TRIM33: variants seen among roughly 807,000 people sequenced by gnomAD.
TRIM33 encodes E3 ubiquitin-protein ligase TRIM33.
In TRIM33, 20 loss-of-function variants were observed where a neutral mutation model predicts 125.4. The ratio of observed to expected loss-of-function variants is 0.16; its 90% CI spans 0.11 to 0.23. TRIM33 has a LOEUF of 0.23. TRIM33 is among the 10% of genes least tolerant of loss of function. The probability of loss-of-function intolerance (pLI) is 1.00; values close to 1 mark genes in which losing one functional copy is unlikely to be tolerated. For missense variants in TRIM33, 920 were observed against 1,411.4 expected, an observed-to-expected ratio of 0.65 and a Z score of 5.58; for synonymous variants, 564 against 513.9, an observed-to-expected ratio of 1.10 and a Z score of -1.32.
rs1299800983 is a variant in TRIM33 at position 114,478,771 on chromosome 1, G to A, written c.527-14383C>T. On this transcript the variant is annotated intron_variant, in intron 1 of 19. Transcript: ENST00000358465. ...GGCTTCAATAATACACTTCAGGCCA[G>A]GCGTGGTGGCTCACTCCTGTAATCC... is the stretch of plus-strand genomic sequence containing the variant. Among the ~76,000 whole-genome samples, 6 of 152,222 alleles carry A rather than the reference G, an allele frequency of 3.9e-5. No individual in the cohort carries two copies. In the East Asian group the frequency reaches 1.2e-3, roughly 29 times the overall value.
rs1038821325 is a variant in TRIM33 at position 114,473,908 on chromosome 1, C to T, written c.527-9520G>A. On this transcript the variant is annotated intron_variant, in intron 1 of 19. Transcript: ENST00000358465. ...CTATATACTGCTATATACTGTTTAC[C>T]AGAGACACACTTTAATTTTTCCAGA... Among the ~76,000 whole-genome samples the T allele has an allele frequency of 2.6e-5, 4 of 152,034 alleles. No homozygotes were observed. The South Asian group carries it at 8.3e-4, about 31-fold the overall frequency.
intron 4 of TRIM33, among the ~76,000 whole-genome samples, chr1:114,435,877 C>CTTTTTTTTTTTTTTTTTTTTTTTTTTT (rs34327766): frequency 1.4e-5 from 1 of 73,324 alleles, no homozygotes. Context: ...TAGACACCCG[C>CTTTTTTTTTTTTTTTTTTTTTTTTTTT]TTTTTTTTTT....
chr1:114,502,044 G>T (rs1652749747), intron 1 of TRIM33, among the ~76,000 whole-genome samples: 1 of 152,130 alleles, frequency 6.6e-6, no homozygotes, highest in African/African-American at 2.4e-5. Flanking sequence ...CCCAATCTCT[G>T]AAGTTGGCTT....
At chr1:114,488,584 CA>C (rs1278573698) in intron 1 of TRIM33, among the ~76,000 whole-genome samples, 1 of 151,968 alleles carries the variant, frequency 6.6e-6, no homozygotes, top group African/African-American at 2.4e-5. Context: ...GGCAACAATA[CA>C]AGACCCCATC....
chr1:114,503,182 G>A (rs914793309), intron 1 of TRIM33, among the ~76,000 whole-genome samples: 15 of 152,128 alleles, frequency 9.9e-5, no homozygotes, highest in Admixed American at 1.3e-4. Context: ...ACTCTCTCGC[G>A]TTAAAATCTA....
intron 1 of TRIM33, among the ~76,000 whole-genome samples, chr1:114,490,137 A>G (rs78905244): frequency 0.035 from 5,128 of 147,372 alleles, 103 homozygotes; most frequent in African/African-American, 0.049. Flanking sequence ...GAAAGACAAG[A>G]AAAAAAAAAT....
chr1:114,507,495 C>G (rs189611647), intron 1 of TRIM33, among the ~76,000 whole-genome samples: 1 of 152,302 alleles, frequency 6.6e-6, no homozygotes, highest in East Asian at 1.9e-4. Context: ...GTTAAAACCA[C>G]TAGCTATGAT....
intron 4 of TRIM33, among the ~76,000 whole-genome samples, chr1:114,452,874 G>T (rs1649400005): frequency 6.6e-6 from 1 of 152,006 alleles, no homozygotes; most frequent in Admixed American, 6.6e-5. Context: ...CTACACTCCA[G>T]CCTGGGTGAC....
intron 4 of TRIM33, among the ~76,000 whole-genome samples, chr1:114,444,750 G>A (rs890143770): frequency 6.6e-6 from 1 of 152,180 alleles, no homozygotes; most frequent in African/African-American, 2.4e-5. Flanking sequence ...TTTCTACAGT[G>A]TATTGTCCAC....
intron 17 of TRIM33, 36 bp from the exon 18 acceptor site, chr1:114,399,645 CA>C: frequency 6.7e-7 from 1 of 1,495,694 alleles, no homozygotes; most frequent in Admixed American, 2.1e-5. Context: ...AAGAATTCTC[CA>C]AAAATGCCAA....
chr1:114,410,236 T>C lies in TRIM33; in HGVS notation c.2142A>G (p.Thr714=), dbSNP rs1158877232. 1 of 1,614,050 alleles carries C rather than the reference T, an allele frequency of 6.2e-7. No homozygotes were observed. The highest frequency in any genetic ancestry group is 8.5e-7 in the Non-Finnish European group (1 of 1,179,976). Reference sequence around the variant, plus strand: ...GACCTGGAGAAGGATTCATGGTGCTTGTAGGCTGTGGGGGTAGGTGACTGC... The same window carrying C: ...GACCTGGAGAAGGATTCATGGTGCTCGTAGGCTGTGGGGGTAGGTGACTGC... ...ISGSHLPPQP[T]STMNPSPGPS... Residue 714 remains threonine, a synonymous_variant, in exon 12 of 20, where the codon ACA becomes ACG. Transcript: ENST00000358465.
intron 4 of TRIM33, among the ~76,000 whole-genome samples, chr1:114,443,114 TG>T (rs1230775222): frequency 6.6e-6 from 1 of 150,742 alleles, no homozygotes. Context: ...CCAGGTGCGG[TG>T]GCTCACACCT....
chr1:114,432,876 A>C (rs921346779), intron 5 of TRIM33, among the ~76,000 whole-genome samples: 1 of 152,186 alleles, frequency 6.6e-6, no homozygotes, highest in African/African-American at 2.4e-5. Context: ...ACTATGTGTC[A>C]TTTTAATCAT....
intron 5 of TRIM33, among the ~76,000 whole-genome samples, chr1:114,432,270 T>C (rs1385470379): frequency 6.6e-6 from 1 of 152,152 alleles, no homozygotes; most frequent in Non-Finnish European, 1.5e-5. Flanking sequence ...AACATCTGTA[T>C]AAAAATATGG....
At chr1:114,494,377 T>C (rs1198677859) in intron 1 of TRIM33, among the ~76,000 whole-genome samples, 1 of 152,150 alleles carries the variant, frequency 6.6e-6, no homozygotes, top group African/African-American at 2.4e-5. Flanking sequence ...GGTTATGTGT[T>C]GGGGGAGACA....
At chr1:114,490,106 AAAAGG>A (rs766660867) in intron 1 of TRIM33, among the ~76,000 whole-genome samples, 5,028 of 130,484 alleles carry the variant, frequency 0.039, 226 homozygotes, top group Non-Finnish European at 0.043. Flanking sequence ...AAAAAAAAAG[AAAAGG>A]AAAGGAAAGA....
chr1:114,422,495 G>GAA (rs59284343), intron 10 of TRIM33, among the ~76,000 whole-genome samples: 15 of 149,636 alleles, frequency 1.0e-4, no homozygotes, highest in Non-Finnish European at 1.8e-4. Flanking sequence ...TCTTTAAAAA[G>GAA]AAAAAAAAAA....
chr1:114,405,701 C>G lies in TRIM33; in HGVS notation c.2477G>C (p.Ser826Thr), dbSNP rs370897114. The G allele has an allele frequency of 7.4e-6, 12 of 1,614,092 alleles. No individual in the cohort carries two copies. In the East Asian group the frequency reaches 2.2e-4, roughly 30 times the overall value. Residue 826 changes from serine (S) to threonine (T), a missense_variant, in exon 15 of 20, where the codon AGT becomes ACT. Physicochemically the swap from Ser to Thr is moderately conservative, Grantham distance 58 (BLOSUM62 1). This residue lies in a region of TRIM33 where 407 missense variants were observed against 589.7 expected (regional missense o/e 0.69). Transcript: ENST00000358465. ...CAGGCTTGCCAATGCATCCAATTCA[C>G]TTTCTAGATGCAGGTTGGTTGAGAG... ...PPLSTNLHLE[S>T]ELDALASLEN...
chr1:114,423,797 G>A (rs1374560337), intron 10 of TRIM33, among the ~76,000 whole-genome samples: 4 of 152,048 alleles, frequency 2.6e-5, no homozygotes, highest in Admixed American at 6.6e-5. Flanking sequence ...ACTTTAGTAC[G>A]CAGATTGACC....
Sources: allele counts gnomAD v4.1 joint callset (sites outside exome capture counted in the v4.1 genomes callset), GRCh38; gene constraint gnomAD v4.1.1; regional missense constraint gnomAD v4.1.1; transcripts MANE v1.5; gene names NCBI Gene and HGNC (gene_info 2026-07-23, HGNC 2026-07-21).